RCC2: variants seen among roughly 807,000 people sequenced by gnomAD.
The protein encoded by RCC2 is protein RCC2.
Under a neutral mutation model 64.1 loss-of-function variants are expected in RCC2, and 19 were observed. The ratio of observed to expected loss-of-function variants is 0.30; its 90% CI spans 0.21 to 0.44. The LOEUF (loss-of-function observed/expected upper bound fraction) is 0.44. RCC2 is among the 20% of genes least tolerant of loss of function. The pLI is 1.00. For synonymous variants in RCC2, 325 were observed against 279.6 expected (o/e 1.16, Z -1.62); for missense variants, 508 against 710.4 (o/e 0.72, Z 3.24).
At chr1:17,423,966 G>A (rs965764319) in intron 4 of RCC2, among the ~76,000 whole-genome samples, 1 of 152,184 alleles carries the variant, frequency 6.6e-6, no homozygotes, top group Non-Finnish European at 1.5e-5. Context: ...ATTAAAGAAC[G>A]GCGGGCTGAA....
chr1:17,438,416 G>T lies in RCC2; in HGVS notation c.99C>A (p.Gly33=). ...AGCGCTCGGGCCGCTCGCGCTTCCT[G>T]CCCGCCGGGCCGCCGCGTTTCCTGG... ...AGPRKRGGPA[G]RKRERPERCS... The change falls in exon 2 of 13, where the codon GGC becomes GGA. Residue 33 remains glycine, a synonymous_variant. Coordinates refer to ENST00000375436, the MANE Select transcript of RCC2 (RefSeq NM_018715.4). 2 of 1,268,668 alleles carry T rather than the reference G, an allele frequency of 1.6e-6. No homozygotes were observed. The highest frequency in any genetic ancestry group is 2.0e-6 in the Non-Finnish European group (2 of 1,011,340). 78.6% of individuals were successfully genotyped at this position (1,268,668 alleles called of 1,614,324 possible). A position where few individuals can be genotyped will look rare whatever the true frequency, so the allele number is the denominator to read the frequency against.
rs1333593918 is a variant in RCC2 at position 17,438,376 on chromosome 1, C to CGCT, written c.136_138dup (p.Ser46dup). 5.1e-5 allele frequency: 64 copies of CGCT among 1,247,920 alleles called. No individual in the cohort carries two copies. Among genetic ancestry groups the CGCT allele is most frequent in the Middle Eastern group, 6.2e-4 (2 of 3,224 alleles). The allele number at this position is 1,247,920 out of a possible 1,614,324, so 77.3% of individuals were successfully genotyped here. On this transcript the variant is annotated inframe_insertion, in exon 2 of 13. Transcript: ENST00000375436. ...TCCTCGTCGCCGCTGCTGCCGCCGC[C>CGCT]GCTGCTGCTACTGCAGCGCTCGGGC...
At chr1:17,417,687 A>C (rs937565016) in intron 7 of RCC2, among the ~76,000 whole-genome samples, 6 of 151,936 alleles carry the variant, frequency 3.9e-5, no homozygotes, top group Non-Finnish European at 8.8e-5. Flanking sequence ...TGTCTCCAAA[A>C]AAAAACAAAC....
chr1:17,433,267 C>T (rs1321075583), intron 2 of RCC2, among the ~76,000 whole-genome samples: 2 of 152,238 alleles, frequency 1.3e-5, no homozygotes, highest in South Asian at 2.1e-4. Context: ...TTCTCTATAA[C>T]TTCTTTCCTC....
chr1:17,425,499 G>A (rs1220018843), intron 4 of RCC2, 42 bp downstream of exon 4: 2 of 1,544,582 alleles, frequency 1.3e-6, no homozygotes, highest in South Asian at 1.2e-5. Flanking sequence ...GGGACAGCTG[G>A]TGACAGTGGT....
In RCC2 at chr1:17,408,938, A is replaced by T; in HGVS notation, c.*152T>A. 1.5e-6 allele frequency: 1 copy of T among 647,894 alleles called. No individual in the cohort carries two copies. Among genetic ancestry groups the T allele is most frequent in the Non-Finnish European group, 2.8e-6 (1 of 357,590 alleles). The allele number at this position is 647,894 out of a possible 1,614,324, so 40.1% of individuals were successfully genotyped here. A position where few individuals can be genotyped will look rare whatever the true frequency, so the allele number is the denominator to read the frequency against. ...AAAAAAAGGTAGTTAACGTTGGATC[A>T]TGTGTAAAACGGAACCTCAGGGAGT... On this transcript the variant is annotated 3_prime_UTR_variant, in exon 13 of 13. Transcript: ENST00000375436.
At chr1:17,410,207 C>T (rs757552588) in intron 11 of RCC2, among the ~76,000 whole-genome samples, 156 bp from the exon 12 acceptor site, 1 of 152,196 alleles carries the variant, frequency 6.6e-6, no homozygotes, top group Non-Finnish European at 1.5e-5. Context: ...ACACAAGGGC[C>T]AGGTGGAATC....
At position 17,408,849 on chromosome 1, in the gene RCC2, C is replaced by A; in HGVS notation, c.*241G>T. ...TGCCTCTTTTGTAGGAATGGTAAAT[C>A]AACTATGAGCAAGTATTTTAATTCA... On this transcript the variant is annotated 3_prime_UTR_variant, in exon 13 of 13. Coordinates refer to ENST00000375436, the MANE Select transcript of RCC2 (RefSeq NM_018715.4). 1 of 425,318 alleles carries A rather than the reference C, an allele frequency of 2.4e-6. No homozygotes were observed. The highest frequency in any genetic ancestry group is 3.6e-5 in the East Asian group (1 of 27,704). 26.3% of individuals were successfully genotyped at this position (425,318 alleles called of 1,614,324 possible). A position where few individuals can be genotyped will look rare whatever the true frequency, so the allele number is the denominator to read the frequency against.
chr1:17,410,946 T>G (rs1036322146), intron 11 of RCC2, among the ~76,000 whole-genome samples: 1 of 152,072 alleles, frequency 6.6e-6, no homozygotes, highest in Non-Finnish European at 1.5e-5. Flanking sequence ...TGGGCCAGGC[T>G]CTGTCTCTTT....
At chr1:17,421,531 A>G (rs1535874) in intron 6 of RCC2, among the ~76,000 whole-genome samples, 99,044 of 151,768 alleles carry the variant, frequency 0.65, 32,485 homozygotes, top group African/African-American at 0.71. Context: ...TCGTATTTGT[A>G]TTCTAAGCAT....
chr1:17,438,104 G>GCCGGC (rs1469617630), intron 2 of RCC2, 126 bp downstream of exon 2: 1 of 661,160 alleles, frequency 1.5e-6, no homozygotes, highest in East Asian at 9.7e-5. Flanking sequence ...CGCGGCCTGC[G>GCCGGC]CCGGCCCGGC....
In RCC2 at chr1:17,420,821, T is replaced by C; in HGVS notation, c.752A>G (p.Tyr251Cys). Residue 251 changes from tyrosine to cysteine, a missense_variant, in exon 7 of 13, where the codon TAC (tyrosine) becomes TGC (cysteine). By Grantham distance (194) the Tyr-to-Cys change is radical. Around this residue, in one of 4 missense-constraint regions of RCC2, gnomAD observed 132 missense variants for 207.3 expected, o/e 0.64. Coordinates refer to ENST00000375436, the MANE Select transcript of RCC2 (RefSeq NM_018715.4). ...CATTTTGGTAATTGGCTGGCCGTTG[T>C]ACATTATCTGAAAAGACAAGAAAGG... ...DAVPSPAQIM[Y>C]NGQPITKMAC... is the part of the protein sequence containing the mutation. The C allele has an allele frequency of 1.3e-6, 2 of 1,595,868 alleles. No individual in the cohort carries two copies. Among genetic ancestry groups the C allele is most frequent in the Non-Finnish European group, 1.7e-6 (2 of 1,173,108 alleles).
chr1:17,438,437 C>G lies in RCC2; in HGVS notation c.78G>C (p.Arg26Ser). 7.8e-7 allele frequency: 1 copy of G among 1,288,308 alleles called. No individual in the cohort carries two copies. Among genetic ancestry groups the G allele is most frequent in the Non-Finnish European group, 9.8e-7 (1 of 1,021,628 alleles). The allele number at this position is 1,288,308 out of a possible 1,614,324, so 79.8% of individuals were successfully genotyped here. A position where few individuals can be genotyped will look rare whatever the true frequency, so the allele number is the denominator to read the frequency against. ...SGNGTARAGP[R>S]KRGGPAGRKR... ...TCCTGCCCGCCGGGCCGCCGCGTTT[C>G]CTGGGCCCGGCGCGGGCAGTGCCGT... The change falls in exon 2 of 13, where the codon AGG becomes AGC. Residue 26 changes from arginine to serine, a missense_variant. This residue lies in a region of RCC2 where 195 missense variants were observed against 158.3 expected (regional missense o/e 1.23). Coordinates refer to ENST00000375436, the MANE Select transcript of RCC2 (RefSeq NM_018715.4).
Position 17,416,536 on chromosome 1 carries a change from T to C in RCC2, c.970A>G (p.Ile324Val), listed in dbSNP as rs1243020438. The change falls in exon 8 of 13, where the codon ATT becomes GTT. Residue 324 changes from isoleucine to valine, a missense_variant. Ile to Val is a conservative substitution (Grantham distance 29). This residue lies in a region of RCC2 where 179 missense variants were observed against 322.0 expected (regional missense o/e 0.56). Transcript: ENST00000375436. ...IFIEKTKDGQ[I>V]LPVPNVVVRD... Reference sequence around the variant, plus strand: ...ACAACCACGTTTGGTACAGGCAGAATCTGTCCATCTTTCGTCTTCTCAATG... The same window carrying C: ...ACAACCACGTTTGGTACAGGCAGAACCTGTCCATCTTTCGTCTTCTCAATG... The C allele has an allele frequency of 1.2e-6, 2 of 1,613,986 alleles. No individual in the cohort carries two copies. Among genetic ancestry groups the C allele is most frequent in the Admixed American group, 1.7e-5 (1 of 60,024 alleles).
chr1:17,418,416 T>G (rs905663327), intron 7 of RCC2, among the ~76,000 whole-genome samples: 2 of 152,122 alleles, frequency 1.3e-5, no homozygotes, highest in Non-Finnish European at 2.9e-5. Context: ...CCCAGCACTT[T>G]GGGAGGCTGA....
In RCC2 at chr1:17,416,616, C is replaced by T; in HGVS notation, c.890G>A (p.Arg297Gln). ...GHNSDGKFIARAQRIEYDCEL... is the reference protein window; with the variant it reads ...GHNSDGKFIAQAQRIEYDCEL... ...ACAGTCGTACTCTATCCGCTGTGCC[C>T]GGGCGATGAACTTCCCATCTGAGTT... Residue 297 changes from arginine to glutamine, a missense_variant, in exon 8 of 13, where the codon CGG becomes CAG. By Grantham distance (43) the Arg-to-Gln change is conservative. This residue lies in a region of RCC2 where 179 missense variants were observed against 322.0 expected (regional missense o/e 0.56). Transcript: ENST00000375436. 1.9e-6 allele frequency: 3 copies of T among 1,613,600 alleles called. No individual in the cohort carries two copies. Among genetic ancestry groups the T allele is most frequent in the Non-Finnish European group, 2.5e-6 (3 of 1,179,886 alleles).
chr1:17,408,770 G>A lies in RCC2; in HGVS notation c.*320C>T, dbSNP rs750636. On this transcript the variant is annotated 3_prime_UTR_variant, in exon 13 of 13. Coordinates refer to ENST00000375436, the MANE Select transcript of RCC2 (RefSeq NM_018715.4). Reference sequence around the variant, plus strand: ...GGTGTTTTGGGGAGTGTATTCAGGAGAGGAAGAAAGAAAAAACTTAAAAAA... The same window carrying A: ...GGTGTTTTGGGGAGTGTATTCAGGAAAGGAAGAAAGAAAAAACTTAAAAAA... The A allele has an allele frequency of 0.34, 85,735 of 253,008 alleles. 15,753 individuals are homozygous for A. The highest frequency in any genetic ancestry group is 0.38 in the African/African-American group (16,373 of 43,596). The allele number at this position is 253,008 out of a possible 1,614,324, so 15.7% of individuals were successfully genotyped here.
chr1:17,437,710 G>C (rs976087555), intron 2 of RCC2, among the ~76,000 whole-genome samples: 12 of 794 alleles, frequency 0.015, no homozygotes, highest in African/African-American at 0.053. Context: ...CCCCCCCCGG[G>C]CGCCGGAGCC....
chr1:17,422,964 C>CAAA, intron 4 of RCC2, 128 bp from the exon 5 acceptor site: 1 of 1,087,374 alleles, frequency 9.2e-7, no homozygotes, highest in Non-Finnish European at 1.2e-6. Flanking sequence ...TCCAAATTCC[C>CAAA]AACAGCCAAG....
Sources: allele counts gnomAD v4.1 joint callset (sites outside exome capture counted in the v4.1 genomes callset), GRCh38; gene constraint gnomAD v4.1.1; regional missense constraint gnomAD v4.1.1; transcripts MANE v1.5; gene names NCBI Gene and HGNC (gene_info 2026-07-23, HGNC 2026-07-21).